UBASH3B: variants seen among roughly 807,000 people sequenced by gnomAD.
UBASH3B encodes the protein ubiquitin-associated and SH3 domain-containing protein B.
A neutral mutation model predicts 83.4 loss-of-function variants in UBASH3B; 37 were observed. The observed-to-expected ratio is 0.44, with a 90% CI of 0.34 to 0.58. UBASH3B has a LOEUF of 0.58. Ranked by LOEUF, UBASH3B falls within the 20% of genes least tolerant of loss-of-function variation. The probability of loss-of-function intolerance (pLI) is 0.01; values close to 1 mark genes in which losing one functional copy is unlikely to be tolerated. For synonymous variants in UBASH3B, 304 were observed against 318.3 expected (o/e 0.96, Z 0.48); for missense variants, 657 against 827.2 (o/e 0.79, Z 2.52).
intron 1 of UBASH3B, among the ~76,000 whole-genome samples, chr11:122,706,012 C>G (rs1864113975): frequency 6.6e-6 from 1 of 152,090 alleles, no homozygotes; most frequent in South Asian, 2.1e-4. Context: ...CTCAGGCCAC[C>G]TCATGTCCAT....
At chr11:122,726,995 G>A (rs1431917664) in intron 1 of UBASH3B, among the ~76,000 whole-genome samples, 2 of 152,136 alleles carry the variant, frequency 1.3e-5, no homozygotes, top group Non-Finnish European at 2.9e-5. Flanking sequence ...TCTTGTCCAC[G>A]GGTCCCAGGA....
Position 122,811,708 on chromosome 11 carries a change from T to C in UBASH3B, c.*1822T>C, listed in dbSNP as rs1238100521. The C allele has an allele frequency of 6.6e-6, 1 of 152,200 alleles. No individual in the cohort carries two copies. The highest frequency in any genetic ancestry group is 1.5e-5 in the Non-Finnish European group (1 of 68,034). The allele number at this position is 152,200 out of a possible 1,614,324, so 9.4% of individuals were successfully genotyped here. A position where few individuals can be genotyped will look rare whatever the true frequency, so the allele number is the denominator to read the frequency against. On this transcript the variant is annotated 3_prime_UTR_variant, in exon 14 of 14. Coordinates refer to ENST00000284273, the MANE Select transcript of UBASH3B (RefSeq NM_032873.5). ...GAAACAAATCAATCATGGTTTCTTC[T>C]AGCGTTGCGCAAACACTGACCCAGC...
chr11:122,784,868 C>G (rs570216845), intron 5 of UBASH3B, among the ~76,000 whole-genome samples: 5 of 152,094 alleles, frequency 3.3e-5, no homozygotes, highest in Non-Finnish European at 7.4e-5. Context: ...CTGTAAGATG[C>G]CTTGAGCAGA....
intron 1 of UBASH3B, among the ~76,000 whole-genome samples, chr11:122,696,100 C>G (rs1302366314): frequency 6.6e-6 from 1 of 151,944 alleles, no homozygotes; most frequent in African/African-American, 2.4e-5. Flanking sequence ...TAGGTGCCCA[C>G]CACCATGCCT....
chr11:122,800,564 A>G (rs1483754206), intron 10 of UBASH3B, among the ~76,000 whole-genome samples: 2 of 151,956 alleles, frequency 1.3e-5, no homozygotes, highest in Non-Finnish European at 2.9e-5. Context: ...AAAAAAAATA[A>G]TAATAATAAA....
intron 1 of UBASH3B, chr11:122,774,407 C>A: frequency 1.4e-6 from 1 of 726,714 alleles, no homozygotes. Context: ...ACAACAGAGG[C>A]TGGCCTTTGC....
At chr11:122,769,967 T>C (rs1860614336) in intron 1 of UBASH3B, among the ~76,000 whole-genome samples, 1 of 152,252 alleles carries the variant, frequency 6.6e-6, no homozygotes, top group South Asian at 2.1e-4. Flanking sequence ...AATATTGTAG[T>C]TCGTATTAAA....
At chr11:122,677,948 G>A (rs894221802) in intron 1 of UBASH3B, among the ~76,000 whole-genome samples, 2 of 152,112 alleles carry the variant, frequency 1.3e-5, no homozygotes, top group Admixed American at 6.6e-5. Flanking sequence ...CCACCTCCAT[G>A]CCCAGCTAGT....
intron 1 of UBASH3B, among the ~76,000 whole-genome samples, chr11:122,687,363 A>T (rs571456675): frequency 1.3e-5 from 2 of 152,358 alleles, no homozygotes; most frequent in South Asian, 4.1e-4. Context: ...CTTATTTAGC[A>T]GTGATGACTG....
intron 1 of UBASH3B, among the ~76,000 whole-genome samples, chr11:122,764,266 T>C (rs1448122742): frequency 6.6e-6 from 1 of 152,204 alleles, no homozygotes; most frequent in Non-Finnish European, 1.5e-5. Flanking sequence ...GGTCCTAAGA[T>C]CCTTTGCAGC....
At chr11:122,671,997 G>A (rs762095232) in intron 1 of UBASH3B, among the ~76,000 whole-genome samples, 68 of 152,086 alleles carry the variant, frequency 4.5e-4, no homozygotes, top group Admixed American at 3.1e-3. Context: ...GTTGTCCTGG[G>A]AAACAGGTCA....
At position 122,798,993 on chromosome 11, in the gene UBASH3B, C is replaced by G; in HGVS notation, c.1409C>G (p.Pro470Arg). Residue 470 changes from proline (P) to arginine (R), a missense_variant, in exon 10 of 14, where the codon CCG (proline) becomes CGG (arginine). By Grantham distance (103) the Pro-to-Arg change is moderately radical (BLOSUM62 -2). Coordinates refer to ENST00000284273, the MANE Select transcript of UBASH3B (RefSeq NM_032873.5). ...NTIIDHVYCS[P>R]SLRCVQTAHN... ...ATTATCGATCATGTCTATTGCTCCC[C>G]GTCCCTTCGCTGCGTTCAGACTGCA... 1 of 1,614,022 alleles carries G rather than the reference C, an allele frequency of 6.2e-7. No homozygotes were observed. The highest frequency in any genetic ancestry group is 8.5e-7 in the Non-Finnish European group (1 of 1,179,984).
chr11:122,701,839 G>A (rs1261493697), intron 1 of UBASH3B, among the ~76,000 whole-genome samples: 2 of 151,944 alleles, frequency 1.3e-5, no homozygotes, highest in African/African-American at 2.4e-5. Context: ...CTGAGCCCTC[G>A]TACTGCCATG....
chr11:122,774,364 G>A, intron 1 of UBASH3B: 2 of 938,884 alleles, frequency 2.1e-6, no homozygotes, highest in Non-Finnish European at 2.5e-6. Context: ...AGGGGAAGGG[G>A]ATAGTCTTTA....
intron 1 of UBASH3B, among the ~76,000 whole-genome samples, chr11:122,696,341 C>CTTTTTTTTT (rs10632310): frequency 0.011 from 1,676 of 146,016 alleles, 21 homozygotes; most frequent in Non-Finnish European, 0.014. Context: ...TTTCTTTTTT[C>CTTTTTTTTT]TTTTTGTTTT....
chr11:122,707,701 T>C (rs190534135), intron 1 of UBASH3B, among the ~76,000 whole-genome samples: 9 of 152,140 alleles, frequency 5.9e-5, no homozygotes, highest in Non-Finnish European at 4.4e-5. Context: ...TTTATTTTTA[T>C]TTATTTATTT....
At chr11:122,720,744 G>A (rs1860611988) in intron 1 of UBASH3B, among the ~76,000 whole-genome samples, 1 of 152,052 alleles carries the variant, frequency 6.6e-6, no homozygotes, top group Non-Finnish European at 1.5e-5. Context: ...CTCCCTCCCT[G>A]ACTCATTCAT....
intron 1 of UBASH3B, among the ~76,000 whole-genome samples, chr11:122,741,133 G>T (rs1276269958): frequency 6.6e-6 from 1 of 152,132 alleles, no homozygotes; most frequent in African/African-American, 2.4e-5. Flanking sequence ...TATAAAAATT[G>T]AGGAATTCAG....
rs1861326580 is a variant in UBASH3B, at chr11:122,758,953, C to T, written c.162-17266C>T. Among the ~76,000 whole-genome samples, 1 of 152,154 alleles carries T rather than the reference C, an allele frequency of 6.6e-6. No homozygotes were observed. The highest frequency in any genetic ancestry group is 1.5e-5 in the Non-Finnish European group (1 of 68,032). On this transcript the variant is annotated intron_variant, in intron 1 of 13. Coordinates refer to ENST00000284273, the MANE Select transcript of UBASH3B (RefSeq NM_032873.5). This position sits in a 1 kb window ranked among gnomAD's most constrained non-coding sequence, Gnocchi z 4.2. ...CTCTTCCTGAAAAGCTAGGTGTTTT[C>T]ACTTTTTATGACTCAGCACTCTAAC...
Sources: gnomAD v4.1 joint callset for allele counts (sites outside exome capture counted in the v4.1 genomes callset) on GRCh38, gnomAD v4.1.1 for gene constraint, Gnocchi (gnomAD v3.1) non-coding constraint, MANE v1.5 for transcripts, NCBI Gene and HGNC (gene_info 2026-07-23, HGNC 2026-07-21) for gene names.